The following URAD variants were observed in gnomAD, a reference collection of about 807,000 sequenced individuals.
URAD encodes the protein ureidoimidazoline (2-oxo-4-hydroxy-4-carboxy-5-) decarboxylase.
URAD carries 4 observed loss-of-function variants against 4.6 expected under a neutral mutation model. That is an observed-to-expected ratio of 0.87 (90% CI 0.43 to 1.98). The LOEUF is 1.98. Among genes scored for constraint, URAD ranks in the 30% most tolerant of loss-of-function variants. The probability of loss-of-function intolerance (pLI) is 0.03; values close to 1 mark genes in which losing one functional copy is unlikely to be tolerated. For synonymous variants in URAD, 144 were observed against 118.2 expected (o/e 1.22, Z -1.41); for missense variants, 300 against 255.3 (o/e 1.18, Z -1.19).
At chr13:27,982,682 ATTTTCATCTGGATGATT>A (rs1272936386) in intron 1 of URAD, among the ~76,000 whole-genome samples, 4 of 152,064 alleles carry the variant, frequency 2.6e-5, no homozygotes, top group Non-Finnish European at 5.9e-5. Context: ...AGCAGTCAGC[ATTTTCATCTGGATGATT>A]TTTGGGTATC....
At chr13:27,980,391 G>T (rs1291173864) in intron 1 of URAD, among the ~76,000 whole-genome samples, 1 of 152,218 alleles carries the variant, frequency 6.6e-6, no homozygotes, top group African/African-American at 2.4e-5. Flanking sequence ...CTGTGCCCGG[G>T]GTTGGTCGTG....
intron 1 of URAD, among the ~76,000 whole-genome samples, chr13:27,980,722 C>T (rs745502567): frequency 1.3e-5 from 2 of 152,178 alleles, no homozygotes. Context: ...ACCAGGCTCC[C>T]CGCGCAGGCC....
At chr13:27,981,630 G>GT (rs1386086507) in intron 1 of URAD, among the ~76,000 whole-genome samples, 1 of 152,162 alleles carries the variant, frequency 6.6e-6, no homozygotes, top group African/African-American at 2.4e-5. Context: ...TCAGAATCCC[G>GT]TAACAGTCCA....
At chr13:27,987,339 TCTC>T (rs1419172299) in intron 1 of URAD, among the ~76,000 whole-genome samples, 1 of 151,974 alleles carries the variant, frequency 6.6e-6, no homozygotes, top group African/African-American at 2.4e-5. Flanking sequence ...CACCCCCTCT[TCTC>T]CTCACCCCAC....
chr13:27,981,638 C>A (rs1869880579), intron 1 of URAD, among the ~76,000 whole-genome samples: 1 of 152,162 alleles, frequency 6.6e-6, no homozygotes, highest in African/African-American at 2.4e-5. Context: ...CCGTAACAGT[C>A]CAACTGCCTC....
At chr13:27,988,397 C>T in intron 1 of URAD, 66 bp downstream of exon 1, 1 of 1,486,856 alleles carries the variant, frequency 6.7e-7, no homozygotes, top group Non-Finnish European at 9.1e-7. Context: ...TGGCCAGTAT[C>T]TAAAAATATT....
At chr13:27,988,108 G>A (rs1367733588) in intron 1 of URAD, among the ~76,000 whole-genome samples, 12 of 152,208 alleles carry the variant, frequency 7.9e-5, no homozygotes, top group South Asian at 2.1e-4. Context: ...ACAGGCACGT[G>A]CCACCACGCC....
intron 1 of URAD, among the ~76,000 whole-genome samples, chr13:27,984,511 G>C (rs1593192016): frequency 1.3e-5 from 2 of 152,166 alleles, no homozygotes; most frequent in Non-Finnish European, 2.9e-5. Flanking sequence ...TAGAAACCCA[G>C]TTTTGTTTTC....
rs767599303 is a variant in URAD at position 27,978,274 on chromosome 13, G to A, written c.354C>T (p.Pro118=). The stretch of plus-strand genomic sequence containing the variant: ...CGCTGAAGCGCGCGGCGAGCACGAA[G>A]GGGAAACCGAAGCGCGCGCGGTACT... The part of the protein sequence containing the change: ...NAQYRARFGF[P]FVLAARFSDR... The change falls in exon 2 of 2, where the codon CCC becomes CCT. Residue 118 remains proline (P), a synonymous_variant. Coordinates refer to ENST00000332715, the MANE Select transcript of URAD (RefSeq NM_001105577.2). The A allele has an allele frequency of 2.6e-5, 37 of 1,427,482 alleles. No homozygotes were observed. Among genetic ancestry groups the A allele is most frequent in the Non-Finnish European group, 2.9e-5 (32 of 1,100,164 alleles). 88.4% of individuals were successfully genotyped at this position (1,427,482 alleles called of 1,614,324 possible). A position where few individuals can be genotyped will look rare whatever the true frequency, so the allele number is the denominator to read the frequency against.
intron 1 of URAD, among the ~76,000 whole-genome samples, chr13:27,983,615 G>A (rs953989548): frequency 6.6e-6 from 1 of 152,032 alleles, no homozygotes; most frequent in African/African-American, 2.4e-5. Context: ...AACCTCCTAA[G>A]AAAGACCACC....
At chr13:27,986,128 C>T (rs1870021379) in intron 1 of URAD, among the ~76,000 whole-genome samples, 1 of 152,188 alleles carries the variant, frequency 6.6e-6, no homozygotes, top group South Asian at 2.1e-4. Context: ...ACACCAACAA[C>T]CGTCCAGGGG....
At chr13:27,978,508 G>C in intron 1 of URAD, 56 bp from the exon 2 acceptor site, 1 of 1,230,930 alleles carries the variant, frequency 8.1e-7, no homozygotes, top group Non-Finnish European at 1.0e-6. Context: ...GTCCCGCACC[G>C]CGCACTCGAG....
intron 1 of URAD, among the ~76,000 whole-genome samples, chr13:27,984,197 T>G (rs893918752): frequency 4.6e-5 from 7 of 152,146 alleles, no homozygotes; most frequent in African/African-American, 1.7e-4. Context: ...ACAGGTGTGA[T>G]TCACCATAGC....
intron 1 of URAD, among the ~76,000 whole-genome samples, chr13:27,979,865 G>A (rs188754370): frequency 7.9e-5 from 12 of 152,232 alleles, no homozygotes; most frequent in Admixed American, 3.9e-4. Context: ...GAGAACTGGG[G>A]GTAACATCCC....
chr13:27,978,652 TC>T (rs1353632831), intron 1 of URAD, among the ~76,000 whole-genome samples, 200 bp from the exon 2 acceptor site: 2 of 152,000 alleles, frequency 1.3e-5, no homozygotes, highest in Non-Finnish European at 2.9e-5. Context: ...GGCGCGCCCC[TC>T]TAACAAGTCC....
At chr13:27,984,840 A>G (rs1869974986) in intron 1 of URAD, among the ~76,000 whole-genome samples, 1 of 152,252 alleles carries the variant, frequency 6.6e-6, no homozygotes, top group South Asian at 2.1e-4. Flanking sequence ...TTAGCCGGGC[A>G]TGGTGGTGTG....
rs562091097 is a variant in URAD at position 27,977,886 on chromosome 13, A to G, written c.*220T>C. ...AGTGAGCTGGATAAATCCGGGGCAA[A>G]GCACTAAACAATATGGATATTTTGG... On this transcript the variant is annotated 3_prime_UTR_variant, in exon 2 of 2. Transcript: ENST00000332715. The G allele has an allele frequency of 3.6e-5, 17 of 473,432 alleles. No homozygotes were observed. The highest frequency in any genetic ancestry group is 2.9e-4 in the African/African-American group (14 of 48,814). 29.3% of individuals were successfully genotyped at this position (473,432 alleles called of 1,614,324 possible).
rs561508429 is a variant in URAD, at chr13:27,982,750, C to A, written c.176-4298G>T. On this transcript the variant is annotated intron_variant, in intron 1 of 1. Coordinates refer to ENST00000332715, the MANE Select transcript of URAD (RefSeq NM_001105577.2). ...TCCTTCCTCCATCCTGTCTTCTCAA[C>A]TCTAAGTCTTCCTCAACTCGGAAAA... Among the ~76,000 whole-genome samples, 3 of 150,820 alleles carry A rather than the reference C, an allele frequency of 2.0e-5. No homozygotes were observed. In the East Asian group the frequency reaches 5.8e-4, roughly 29 times the overall value.
Position 27,977,878 on chromosome 13 carries a change from C to CG in URAD, c.*227dup, listed in dbSNP as rs1869754922. On this transcript the variant is annotated 3_prime_UTR_variant, in exon 2 of 2. Transcript: ENST00000332715. The stretch of plus-strand genomic sequence containing the variant: ...ATTGAAGCAGTGAGCTGGATAAATC[C>CG]GGGGCAAAGCACTAAACAATATGGA... 1 of 466,674 alleles carries CG rather than the reference C, an allele frequency of 2.1e-6. No homozygotes were observed. Among genetic ancestry groups the CG allele is most frequent in the African/African-American group, 2.1e-5 (1 of 48,710 alleles). The allele number at this position is 466,674 out of a possible 1,614,324, so 28.9% of individuals were successfully genotyped here.
Sources: gnomAD v4.1 joint callset for allele counts (sites outside exome capture counted in the v4.1 genomes callset) on GRCh38, gnomAD v4.1.1 for gene constraint, MANE v1.5 for transcripts, NCBI Gene and HGNC (gene_info 2026-07-23, HGNC 2026-07-21) for gene names.